Variants in CYP4F2 observed in about 807,000 individuals in gnomAD.
CYP4F2 encodes the protein cytochrome P450 4F2.
CYP4F2 carries 58 observed loss-of-function variants against 58.9 expected under a neutral mutation model. That is an observed-to-expected ratio of 0.98 (90% CI 0.80 to 1.23). The LOEUF (loss-of-function observed/expected upper bound fraction) is 1.23, where lower values mean the gene tolerates loss of function less well. CYP4F2 is among the 50% of genes most tolerant of loss of function. CYP4F2 has a pLI of 0.00. For missense variants in CYP4F2, 616 were observed against 685.6 expected (o/e 0.90, Z 1.13); for synonymous variants, 287 against 261.1 (o/e 1.10, Z -0.95).
At position 15,895,550 on chromosome 19, in the gene CYP4F2, C is replaced by T. The variant is rs750569610; in HGVS notation, c.299G>A (p.Ser100Asn). ...CCGGATGATGTCGGGGTGGCACAAA[C>T]TGAGGAGGGGGGAGATGGGTCCCAT... ...VWMGPISPLL[S>N]LCHPDIIRSV... The change falls in exon 3 of 13, where the codon AGT (serine) becomes AAT (asparagine). Residue 100 changes from serine (S) to asparagine (N), a missense_variant. Transcript: ENST00000221700. 34 of 1,550,074 alleles carry T rather than the reference C, an allele frequency of 2.2e-5. No individual in the cohort carries two copies. The highest frequency in any genetic ancestry group is 2.9e-5 in the Non-Finnish European group (34 of 1,157,566).
rs1185403961 is a variant in CYP4F2, at chr19:15,878,237, G to A, written c.*534C>T. 3 of 152,730 alleles carry A rather than the reference G, an allele frequency of 2.0e-5. No homozygotes were observed. The highest frequency in any genetic ancestry group is 4.4e-5 in the Non-Finnish European group (3 of 68,504). 9.5% of individuals were successfully genotyped at this position (152,730 alleles called of 1,614,324 possible). On this transcript the variant is annotated 3_prime_UTR_variant, in exon 13 of 13. Transcript: ENST00000221700. ...GTCGTGCTACCTTCGTCACTATCTA[G>A]GTCCGGAACATTTTCACCATCCCGG...
chr19:15,891,845 AG>A (rs1346182273), intron 5 of CYP4F2, among the ~76,000 whole-genome samples: 1 of 152,184 alleles, frequency 6.6e-6, no homozygotes, highest in Non-Finnish European at 1.5e-5. Flanking sequence ...GGCAGAATTC[AG>A]TCAACACCTG....
At chr19:15,892,015 A>T (rs2089419052) in intron 5 of CYP4F2, among the ~76,000 whole-genome samples, 2 of 152,234 alleles carry the variant, frequency 1.3e-5, no homozygotes, top group African/African-American at 4.8e-5. Context: ...AGCAACAGCT[A>T]CTATGAAATT....
intron 9 of CYP4F2, among the ~76,000 whole-genome samples, chr19:15,883,475 G>A (rs2089357052): frequency 6.6e-6 from 1 of 152,122 alleles, no homozygotes; most frequent in Non-Finnish European, 1.5e-5. Context: ...GACAGGCAAC[G>A]ATAGACACTG....
In CYP4F2 at chr19:15,879,438, A is replaced by G. The variant is rs759792998; in HGVS notation, c.1315-10T>C. The G allele has an allele frequency of 2.8e-5, 45 of 1,613,976 alleles. 1 individual carries two copies. The South Asian group carries it at 4.4e-4, about 16-fold the overall frequency. The stretch of plus-strand genomic sequence containing the variant: ...GAAAGGGGTCGTAGACCTGGAGGTG[A>G]GACCAAGAAGGGTTGTTGGGTGGGG... On this transcript the variant is annotated splice_polypyrimidine_tract_variant and intron_variant, in intron 11 of 12. Coordinates refer to ENST00000221700, the MANE Select transcript of CYP4F2 (RefSeq NM_001082.5).
intron 9 of CYP4F2, among the ~76,000 whole-genome samples, chr19:15,884,113 A>G (rs984180250): frequency 6.6e-6 from 1 of 150,476 alleles, no homozygotes; most frequent in Non-Finnish European, 1.5e-5. Flanking sequence ...GGAGGGAGGG[A>G]GGAAGGAAGG....
intron 5 of CYP4F2, among the ~76,000 whole-genome samples, chr19:15,891,017 T>C (rs1032779064): frequency 1.3e-5 from 2 of 152,188 alleles, no homozygotes; most frequent in African/African-American, 4.8e-5. Flanking sequence ...TTGTTATAAA[T>C]TGATTTCAAA....
At chr19:15,890,191 G>T (rs979819685) in intron 6 of CYP4F2, 121 bp downstream of exon 6, 3 of 1,515,498 alleles carry the variant, frequency 2.0e-6, no homozygotes, top group African/African-American at 1.4e-5. Flanking sequence ...GTCCTTCAAT[G>T]ATCAGGTATA....
At chr19:15,888,668 A>G (rs111165325) in intron 7 of CYP4F2, among the ~76,000 whole-genome samples, 1,931 of 152,334 alleles carry the variant, frequency 0.013, 32 homozygotes, top group African/African-American at 0.043. Context: ...AAAAATACAC[A>G]TAAACATAGA....
At chr19:15,885,775 G>C in intron 9 of CYP4F2, 149 bp downstream of exon 9, 1 of 1,229,870 alleles carries the variant, frequency 8.1e-7, no homozygotes, top group Non-Finnish European at 1.1e-6. Flanking sequence ...AGTCAGGATG[G>C]GTACTAAGTC....
chr19:15,890,477 C>T, intron 5 of CYP4F2, 44 bp from the exon 6 acceptor site: 1 of 1,608,992 alleles, frequency 6.2e-7, no homozygotes. Flanking sequence ...TCCTTGCTCC[C>T]TTGAGCACCT....
chr19:15,878,658 G>T lies in CYP4F2; in HGVS notation c.*113C>A. 7.7e-7 allele frequency: 1 copy of T among 1,305,866 alleles called. No individual in the cohort carries two copies. 80.9% of individuals were successfully genotyped at this position (1,305,866 alleles called of 1,614,324 possible). A position where few individuals can be genotyped will look rare whatever the true frequency, so the allele number is the denominator to read the frequency against. ...ACACTTGTCTCAATTATTTTGAGTAGATATCTAGGATGGAATACAGGACTG... is the reference window on the plus strand; with the variant it reads ...ACACTTGTCTCAATTATTTTGAGTATATATCTAGGATGGAATACAGGACTG... On this transcript the variant is annotated 3_prime_UTR_variant, in exon 13 of 13. Coordinates refer to ENST00000221700, the MANE Select transcript of CYP4F2 (RefSeq NM_001082.5).
At chr19:15,885,607 C>CA (rs371428949) in intron 9 of CYP4F2, among the ~76,000 whole-genome samples, 27 of 151,694 alleles carry the variant, frequency 1.8e-4, no homozygotes, top group African/African-American at 6.0e-4. Flanking sequence ...TGAAGATGTT[C>CA]AAAAAAAATG....
chr19:15,892,478 C>T, intron 4 of CYP4F2, 42 bp from the exon 5 acceptor site: 1 of 1,614,014 alleles, frequency 6.2e-7, no homozygotes, highest in South Asian at 1.1e-5. Context: ...ACCTCTCCCT[C>T]CCCTGGCCCC....
chr19:15,890,239 C>A (rs2089408313), intron 6 of CYP4F2, 73 bp downstream of exon 6: 1 of 1,610,088 alleles, frequency 6.2e-7, no homozygotes, highest in Admixed American at 1.7e-5. Context: ...GGTTTCCCTG[C>A]TTAGTCCTCC....
chr19:15,894,948 C>A (rs2145014764), intron 3 of CYP4F2, among the ~76,000 whole-genome samples: 1 of 152,284 alleles, frequency 6.6e-6, no homozygotes, highest in African/African-American at 2.4e-5. Flanking sequence ...CAGCCCAGAT[C>A]CCCCACCAGC....
chr19:15,894,806 C>A (rs2089438638), intron 3 of CYP4F2, among the ~76,000 whole-genome samples: 1 of 152,148 alleles, frequency 6.6e-6, no homozygotes, highest in African/African-American at 2.4e-5. Flanking sequence ...AGGAAAGGGA[C>A]CCAAGCTGGG....
At chr19:15,885,821 A>C in intron 9 of CYP4F2, 103 bp downstream of exon 9, 1 of 1,499,824 alleles carries the variant, frequency 6.7e-7, no homozygotes, top group Non-Finnish European at 9.0e-7. Context: ...CCCACTAGGC[A>C]ATAGTGGCAG....
At chr19:15,890,465 G>A (rs201041768) in intron 5 of CYP4F2, 32 bp from the exon 6 acceptor site, 21 of 1,612,010 alleles carry the variant, frequency 1.3e-5, no homozygotes, top group Non-Finnish European at 1.8e-5. Context: ...GCTGGGGCAG[G>A]CTCCTTGCTC....
Sources: allele counts gnomAD v4.1 joint callset (sites outside exome capture counted in the v4.1 genomes callset), GRCh38; gene constraint gnomAD v4.1.1; transcripts MANE v1.5; gene names NCBI Gene and HGNC (gene_info 2026-07-23, HGNC 2026-07-21).